The following DRICH1 variants were observed in gnomAD, a reference collection of about 807,000 sequenced individuals.
The protein encoded by DRICH1 is aspartate-rich protein 1.
DRICH1 carries 38 observed loss-of-function variants against 39.5 expected under a neutral mutation model. That is an observed-to-expected ratio of 0.96 (90% CI 0.74 to 1.26). The LOEUF (loss-of-function observed/expected upper bound fraction) is 1.26. DRICH1 is among the 50% of genes most tolerant of loss of function. DRICH1 has a pLI of 0.00. For missense variants in DRICH1, 279 were observed against 270.4 expected (o/e 1.03, Z -0.22); for synonymous variants, 84 against 99.5 (o/e 0.84, Z 0.93).
chr22:23,591,320 CACTT>C, the DRICH1 span, among the ~76,000 whole-genome samples: 982 of 152,284 alleles, frequency 6.4e-3, 9 homozygotes, highest in African/African-American at 0.022. Flanking sequence ...GCAGGTCACA[CACTT>C]ACACTCTCAA....
At chr22:23,626,258 T>C (rs573395420) in intron 1 of DRICH1, among the ~76,000 whole-genome samples, 13 of 152,188 alleles carry the variant, frequency 8.5e-5, no homozygotes, top group Non-Finnish European at 1.8e-4. Context: ...GACTCTTGCA[T>C]TCCGAAGTCC....
the DRICH1 span, among the ~76,000 whole-genome samples, chr22:23,592,073 G>A: frequency 1.3e-5 from 2 of 152,196 alleles, no homozygotes; most frequent in South Asian, 2.1e-4. Context: ...TCCCTCCAGC[G>A]GAAGGCATGT....
chr22:23,599,086 A>G, the DRICH1 span, among the ~76,000 whole-genome samples: 17 of 152,216 alleles, frequency 1.1e-4, no homozygotes, highest in African/African-American at 4.1e-4. Flanking sequence ...CCCATATTTT[A>G]TAAATGGTAC....
chr22:23,631,927 T>C lies in DRICH1; in HGVS notation c.97A>G (p.Thr33Ala), dbSNP rs560628945. The C allele has an allele frequency of 5.6e-6, 9 of 1,613,762 alleles. No individual in the cohort carries two copies. The highest frequency in any genetic ancestry group is 1.7e-4 in the Middle Eastern group (1 of 5,726). ...CYESDTDIYE[T>A]VAAATSESTT... ...GATTCTGATGTTGCAGCAGCCACAGTCTCATAAATATCAGTATCAGATTCA... is the reference window on the plus strand; with the variant it reads ...GATTCTGATGTTGCAGCAGCCACAGCCTCATAAATATCAGTATCAGATTCA... The change falls in exon 1 of 12, where the codon ACT becomes GCT. Residue 33 changes from threonine (T) to alanine (A), a missense_variant. Coordinates refer to ENST00000317749, the MANE Select transcript of DRICH1 (RefSeq NM_016449.4).
At chr22:23,606,273 G>A (rs1926728071), downstream of DRICH1, among the ~76,000 whole-genome samples, 1 of 152,026 alleles carries the variant, frequency 6.6e-6, no homozygotes. Context: ...CAGGCTTTTG[G>A]GGCTGGACTG....
chr22:23,606,407 C>G (rs1235639512), downstream of DRICH1, among the ~76,000 whole-genome samples: 1 of 152,170 alleles, frequency 6.6e-6, no homozygotes, highest in African/African-American at 2.4e-5. Context: ...TGTGATGCCC[C>G]CCTTCCCATA....
chr22:23,607,116 A>T (rs1475002385), downstream of DRICH1: 1 of 152,634 alleles, frequency 6.6e-6, no homozygotes, highest in Non-Finnish European at 1.5e-5. Context: ...GCGTTCCGGG[A>T]GCTCGTCCTG....
At chr22:23,629,684 C>A (rs1398306304) in intron 1 of DRICH1, among the ~76,000 whole-genome samples, 1 of 152,136 alleles carries the variant, frequency 6.6e-6, no homozygotes, top group Admixed American at 6.6e-5. Flanking sequence ...GTGGCTCGAT[C>A]TCGGCTCACT....
At position 23,617,682 on chromosome 22, in the gene DRICH1, C is replaced by T. The variant is rs377688732; in HGVS notation, c.437-25G>A. 6.5e-5 allele frequency: 105 copies of T among 1,611,078 alleles called. No homozygotes were observed. The African/African-American group carries it at 6.9e-4, about 11-fold the overall frequency. Reference sequence around the variant, plus strand: ...CCTGGAAGCACACAGAGGAAAGATCCGTGCCCTGGTTGTTTGTGACTGTGA... The same window carrying T: ...CCTGGAAGCACACAGAGGAAAGATCTGTGCCCTGGTTGTTTGTGACTGTGA... On this transcript the variant is annotated intron_variant, in intron 6 of 11. Coordinates refer to ENST00000317749, the MANE Select transcript of DRICH1 (RefSeq NM_016449.4).
the DRICH1 span, among the ~76,000 whole-genome samples, chr22:23,601,146 G>GTGCA: frequency 1.4e-5 from 2 of 146,142 alleles, no homozygotes; most frequent in African/African-American, 5.1e-5. Flanking sequence ...ACGCACGCGC[G>GTGCA]CACACACACA....
the DRICH1 span, among the ~76,000 whole-genome samples, chr22:23,596,059 T>C: frequency 6.6e-6 from 1 of 152,226 alleles, no homozygotes; most frequent in Non-Finnish European, 1.5e-5. Flanking sequence ...CTCTAGGAGA[T>C]AGAAACTGTC....
chr22:23,619,171 C>CA (rs5844565), intron 6 of DRICH1, among the ~76,000 whole-genome samples, 193 bp downstream of exon 6: 32,316 of 84,248 alleles, frequency 0.38, 4,795 homozygotes, highest in East Asian at 0.52. Context: ...GACTCCGTCT[C>CA]AAAAAAAAAA....
chr22:23,624,605 T>A (rs1013027038), intron 3 of DRICH1, among the ~76,000 whole-genome samples: 1 of 152,256 alleles, frequency 6.6e-6, no homozygotes, highest in Non-Finnish European at 1.5e-5. Flanking sequence ...ATCCACTCTT[T>A]AGGATTCTGG....
chr22:23,629,472 A>T (rs1928265414), intron 1 of DRICH1, among the ~76,000 whole-genome samples: 1 of 152,156 alleles, frequency 6.6e-6, no homozygotes, highest in Non-Finnish European at 1.5e-5. Flanking sequence ...GGATCAGTAC[A>T]TGAGTGTTGA....
At chr22:23,613,204 G>T (rs1927143064) in intron 11 of DRICH1, 85 bp downstream of exon 11, 24 of 959,402 alleles carry the variant, frequency 2.5e-5, no homozygotes, top group Non-Finnish European at 3.8e-5. Context: ...CCCTCCTTCA[G>T]CCCCTCCTCA....
At chr22:23,604,276 C>G (rs1926616907), downstream of DRICH1, among the ~76,000 whole-genome samples, 1 of 152,094 alleles carries the variant, frequency 6.6e-6, no homozygotes, top group African/African-American at 2.4e-5. Context: ...CTTGGTCCAG[C>G]CCTGTGGGCC....
chr22:23,621,127 C>T (rs527632483), intron 4 of DRICH1, among the ~76,000 whole-genome samples: 2 of 152,158 alleles, frequency 1.3e-5, no homozygotes, highest in African/African-American at 4.8e-5. Context: ...CACAATCTGC[C>T]TTGAACTGGT....
chr22:23,599,033 G>A, the DRICH1 span, among the ~76,000 whole-genome samples: 1 of 152,194 alleles, frequency 6.6e-6, no homozygotes, highest in African/African-American at 2.4e-5. Flanking sequence ...CCTGACCATG[G>A]GCCCCACAGA....
the DRICH1 span, among the ~76,000 whole-genome samples, chr22:23,584,904 C>T: frequency 1.3e-5 from 2 of 151,850 alleles, no homozygotes; most frequent in South Asian, 2.1e-4. Flanking sequence ...TCAAGGAATC[C>T]CTCCCACCTC....
Sources: gnomAD v4.1 joint callset for allele counts (sites outside exome capture counted in the v4.1 genomes callset) on GRCh38, gnomAD v4.1.1 for gene constraint, MANE v1.5 for transcripts, NCBI Gene and HGNC (gene_info 2026-07-23, HGNC 2026-07-21) for gene names.